Variants in CTDSPL observed in about 807,000 individuals in gnomAD.
CTDSPL encodes CTD small phosphatase-like protein.
In CTDSPL, 8 loss-of-function variants were observed where a neutral mutation model predicts 30.5. That is an observed-to-expected ratio of 0.26 (90% CI 0.15 to 0.47). The LOEUF is 0.47. Ranked by LOEUF, CTDSPL falls within the 20% of genes least tolerant of loss-of-function variation. The probability of loss-of-function intolerance (pLI) is 0.99; values close to 1 mark genes in which losing one functional copy is unlikely to be tolerated. For missense variants in CTDSPL, 248 were observed against 366.1 expected (o/e 0.68, Z 2.63); for synonymous variants, 110 against 137.9 (o/e 0.80, Z 1.42).
intron 3 of CTDSPL, among the ~76,000 whole-genome samples, chr3:37,959,112 A>T (rs964713101): frequency 5.3e-5 from 8 of 152,192 alleles, no homozygotes; most frequent in Admixed American, 5.2e-4. Context: ...ACCAGATCCC[A>T]CAACCTCCTG....
intron 7 of CTDSPL, 114 bp from the exon 8 acceptor site, chr3:37,980,628 A>G (rs1190718648): frequency 1.5e-6 from 2 of 1,326,374 alleles, no homozygotes; most frequent in African/African-American, 1.5e-5. Context: ...AACGATGATG[A>G]CACCAGTCGT....
At chr3:37,892,442 C>T (rs1020933931) in intron 1 of CTDSPL, among the ~76,000 whole-genome samples, 1 of 152,124 alleles carries the variant, frequency 6.6e-6, no homozygotes, top group Non-Finnish European at 1.5e-5. Context: ...AGTCTTATAA[C>T]ATATTTTTTT....
rs772569327 is a variant in CTDSPL, at chr3:37,971,423, G to A, written c.443G>A (p.Arg148Gln). Residue 148 changes from arginine (R) to glutamine (Q), a missense_variant, in exon 6 of 8, where the codon CGG becomes CAG. By Grantham distance (43) the Arg-to-Gln change is conservative (BLOSUM62 1). This residue lies in a region of CTDSPL where 45 missense variants were observed against 83.1 expected (regional missense o/e 0.54). Transcript: ENST00000273179. Reference protein sequence around the residue: ...GTIHQVYVLKRPHVDEFLQRM... With the variant: ...GTIHQVYVLKQPHVDEFLQRM... ...CCATTGCAGGTGTATGTGCTGAAGC[G>A]GCCACATGTGGACGAGTTCCTCCAG... The A allele has an allele frequency of 1.9e-6, 3 of 1,614,134 alleles. No individual in the cohort carries two copies. The highest frequency in any genetic ancestry group is 2.5e-6 in the Non-Finnish European group (3 of 1,180,014).
intron 1 of CTDSPL, among the ~76,000 whole-genome samples, chr3:37,938,435 C>T (rs992871419): frequency 2.0e-5 from 3 of 150,166 alleles, no homozygotes; most frequent in African/African-American, 7.3e-5. Context: ...TATTTGGGGT[C>T]AACATTTCAA....
rs1024384054 is a variant in CTDSPL at position 37,959,890 on chromosome 3, C to G, written c.267+2747C>G. The stretch of plus-strand genomic sequence containing the variant: ...GAAAATGATAATCAAATGTTTCAAT[C>G]TTTGCTAATCTGAAAATAAAGAATA... On this transcript the variant is annotated intron_variant, in intron 3 of 7. Transcript: ENST00000273179. Among the ~76,000 whole-genome samples the G allele has an allele frequency of 3.9e-5, 6 of 152,172 alleles. No individual in the cohort carries two copies. The East Asian group carries it at 1.2e-3, about 29-fold the overall frequency.
Position 37,862,362 on chromosome 3 carries a change from G to T in CTDSPL, c.79+84G>T. ...AGTTCACTGCCGGGCGCCGGCATGG[G>T]CCTGGGGGAGGGGTGCACAGGGCCC... On this transcript the variant is annotated intron_variant, in intron 1 of 7. Coordinates refer to ENST00000273179, the MANE Select transcript of CTDSPL (RefSeq NM_001008392.2). The surrounding 1 kb of genome is among the most constrained non-coding windows in gnomAD (Gnocchi z 4.3). The T allele has an allele frequency of 8.3e-7, 1 of 1,201,494 alleles. No individual in the cohort carries two copies. Among genetic ancestry groups the T allele is most frequent in the Non-Finnish European group, 1.1e-6 (1 of 924,290 alleles). The allele number at this position is 1,201,494 out of a possible 1,614,324, so 74.4% of individuals were successfully genotyped here.
At chr3:37,914,572 A>T (rs1669797475) in intron 1 of CTDSPL, among the ~76,000 whole-genome samples, 1 of 152,206 alleles carries the variant, frequency 6.6e-6, no homozygotes. Context: ...TATTTTTCTG[A>T]ATCTATGGAT....
At chr3:37,943,858 A>G (rs773590594) in intron 1 of CTDSPL, among the ~76,000 whole-genome samples, 33 of 150,360 alleles carry the variant, frequency 2.2e-4, no homozygotes, top group African/African-American at 7.8e-4. Context: ...GGAGCGTTCT[A>G]CTGGGAAAAG....
At chr3:37,890,250 AT>A (rs1393006159) in intron 1 of CTDSPL, among the ~76,000 whole-genome samples, 3 of 152,250 alleles carry the variant, frequency 2.0e-5, no homozygotes, top group Admixed American at 6.5e-5. Context: ...ATATAGATGC[AT>A]AGAATATTAA....
chr3:37,916,463 A>G (rs1191488350), intron 1 of CTDSPL, among the ~76,000 whole-genome samples: 2 of 152,160 alleles, frequency 1.3e-5, no homozygotes, highest in Admixed American at 1.3e-4. Flanking sequence ...AGTTAAGGTA[A>G]GGTCGTACTG....
intron 5 of CTDSPL, chr3:37,968,104 C>T (rs1423728124): frequency 5.9e-6 from 3 of 512,326 alleles, no homozygotes; most frequent in Non-Finnish European, 1.0e-5. Context: ...GATGCGGTTG[C>T]AAGTTCAAAT....
At chr3:37,889,322 T>C (rs1307391867) in intron 1 of CTDSPL, among the ~76,000 whole-genome samples, 4 of 152,182 alleles carry the variant, frequency 2.6e-5, no homozygotes, top group African/African-American at 9.7e-5. Context: ...AAATTTTTTG[T>C]AATAAAGTTT....
intron 2 of CTDSPL, among the ~76,000 whole-genome samples, chr3:37,953,337 C>A (rs1699131514): frequency 6.6e-6 from 1 of 152,128 alleles, no homozygotes; most frequent in Non-Finnish European, 1.5e-5. Flanking sequence ...TGTGATAAAT[C>A]ACATTGGCTC....
intron 4 of CTDSPL, among the ~76,000 whole-genome samples, chr3:37,965,430 AG>A (rs1231922853): frequency 2.0e-5 from 3 of 152,236 alleles, no homozygotes; most frequent in Non-Finnish European, 2.9e-5. Context: ...ATTGTATAAA[AG>A]AGGCAAATGA....
chr3:37,944,539 A>G (rs1481308142), intron 1 of CTDSPL, among the ~76,000 whole-genome samples: 4 of 150,200 alleles, frequency 2.7e-5, no homozygotes, highest in African/African-American at 7.2e-5. Flanking sequence ...CTGGAGCCCT[A>G]TTCAGGAACA....
In CTDSPL at chr3:37,957,122, G is replaced by A. The variant is rs1256444815; in HGVS notation, c.246G>A (p.Arg82=). The part of the protein sequence containing the change: ...ENGGLQKGDQ[R]QVIPIPSPPA... ...TTCTTTTTCCTCAGGGTGACCAGAGGCAGGTCATTCCCATACCAAGTGTAT... is the reference window on the plus strand; with the variant it reads ...TTCTTTTTCCTCAGGGTGACCAGAGACAGGTCATTCCCATACCAAGTGTAT... Residue 82 remains arginine, a synonymous_variant, in exon 3 of 8, where the codon AGG becomes AGA. Transcript: ENST00000273179. 1.9e-6 allele frequency: 3 copies of A among 1,600,288 alleles called. No homozygotes were observed. The South Asian group carries it at 3.4e-5, about 18-fold the overall frequency.
chr3:37,897,256 G>C (rs763547487), intron 1 of CTDSPL, among the ~76,000 whole-genome samples: 1 of 152,012 alleles, frequency 6.6e-6, no homozygotes, highest in Non-Finnish European at 1.5e-5. Flanking sequence ...GAACTTTCAC[G>C]TTATGAAAAA....
chr3:37,874,316 G>A (rs555990182), intron 1 of CTDSPL, among the ~76,000 whole-genome samples: 59 of 152,272 alleles, frequency 3.9e-4, no homozygotes, highest in African/African-American at 1.4e-3. Context: ...TTTCCCTTTT[G>A]GTGATGTTGA....
Position 37,943,793 on chromosome 3 carries a change from T to A in CTDSPL, c.80-3264T>A, listed in dbSNP as rs1299341602. ...AGCAGAGAAGCAACAAGACCCCTTT[T>A]GTGTGTACAAGGAGGATGAGCGGTG... On this transcript the variant is annotated intron_variant, in intron 1 of 7. Transcript: ENST00000273179. Among the ~76,000 whole-genome samples the A allele has an allele frequency of 2.0e-5, 3 of 150,306 alleles. No individual in the cohort carries two copies. The East Asian group carries it at 5.8e-4, about 29-fold the overall frequency.
Sources: allele counts gnomAD v4.1 joint callset (sites outside exome capture counted in the v4.1 genomes callset), GRCh38; gene constraint gnomAD v4.1.1; regional missense constraint gnomAD v4.1.1; non-coding constraint Gnocchi (gnomAD v3.1); transcripts MANE v1.5; gene names NCBI Gene and HGNC (gene_info 2026-07-23, HGNC 2026-07-21).